The following DARS1 variants were observed in gnomAD, a reference collection of about 807,000 sequenced individuals.
DARS1 encodes aspartate--tRNA ligase, cytoplasmic.
Under a neutral mutation model 68.8 loss-of-function variants are expected in DARS1, and 51 were observed. That is an observed-to-expected ratio of 0.74 (90% CI 0.59 to 0.94). The LOEUF (loss-of-function observed/expected upper bound fraction) is 0.94. Among genes scored for constraint, DARS1 ranks in the 40% least tolerant of loss-of-function variants. The pLI, the probability that DARS1 is intolerant of heterozygous loss-of-function variation, is 0.00. For synonymous variants in DARS1, 203 were observed against 190.4 expected, an observed-to-expected ratio of 1.07 and a Z score of -0.55; for missense variants, 607 against 597.3, an observed-to-expected ratio of 1.02 and a Z score of -0.17.
At position 135,975,332 on chromosome 2, in the gene DARS1, G is replaced by A. The variant is rs917318490; in HGVS notation, c.217+3942C>T. On this transcript the variant is annotated intron_variant, in intron 3 of 15. Transcript: ENST00000264161. ...TGCACTCCAGCCTGGGCGACAGAGC[G>A]AGACTCTGTCTCAAAAAACAAACAA... Among the ~76,000 whole-genome samples the A allele has an allele frequency of 2.0e-5, 3 of 151,106 alleles. No individual in the cohort carries two copies. In the South Asian group the frequency reaches 6.3e-4, roughly 32 times the overall value.
intron 3 of DARS1, chr2:135,978,864 C>CA (rs1682557558): frequency 6.5e-6 from 1 of 154,700 alleles, no homozygotes; most frequent in South Asian, 2.0e-4. Context: ...ATCTTTTGTT[C>CA]ACTTCTCTCC....
chr2:135,968,451 T>A (rs1682288110), intron 3 of DARS1, among the ~76,000 whole-genome samples: 1 of 152,074 alleles, frequency 6.6e-6, no homozygotes, highest in Non-Finnish European at 1.5e-5. Flanking sequence ...GGACACAACT[T>A]GTAAGTGCCT....
intron 4 of DARS1, among the ~76,000 whole-genome samples, chr2:135,956,833 G>A (rs1376211484): frequency 1.3e-5 from 2 of 151,218 alleles, no homozygotes; most frequent in Non-Finnish European, 1.5e-5. Context: ...GTGTGATCTC[G>A]GCTCACTGCA....
At chr2:135,931,051 C>G (rs986229431) in intron 7 of DARS1, among the ~76,000 whole-genome samples, 8 of 152,120 alleles carry the variant, frequency 5.3e-5, no homozygotes, top group African/African-American at 1.9e-4. Flanking sequence ...CTGTAAAGTT[C>G]AGAGAGAAAA....
At chr2:135,970,389 C>G (rs990785845) in intron 3 of DARS1, among the ~76,000 whole-genome samples, 12 of 151,452 alleles carry the variant, frequency 7.9e-5, no homozygotes, top group Admixed American at 1.3e-4. Context: ...TCTGGGATGA[C>G]CAGTGGGTCA....
intron 10 of DARS1, among the ~76,000 whole-genome samples, chr2:135,918,943 A>G (rs1019096229): frequency 1.3e-5 from 2 of 152,250 alleles, no homozygotes; most frequent in Non-Finnish European, 2.9e-5. Context: ...TCTGCAATTA[A>G]CTAGCTATCA....
chr2:135,980,136 T>A (rs544664489), intron 2 of DARS1, among the ~76,000 whole-genome samples: 2 of 152,312 alleles, frequency 1.3e-5, no homozygotes, highest in South Asian at 4.1e-4. Flanking sequence ...CATTTCCCTA[T>A]CGAGCCTTTT....
At chr2:135,928,611 G>A (rs1681275743) in intron 7 of DARS1, among the ~76,000 whole-genome samples, 1 of 146,680 alleles carries the variant, frequency 6.8e-6, no homozygotes, top group Non-Finnish European at 1.5e-5. Context: ...GCCTCCCAAA[G>A]TGCTGGGATT....
At chr2:135,963,295 G>T (rs1682140257) in intron 3 of DARS1, among the ~76,000 whole-genome samples, 1 of 152,058 alleles carries the variant, frequency 6.6e-6, no homozygotes, top group South Asian at 2.1e-4. Flanking sequence ...AGAGTCATGA[G>T]GTTTTCTTTC....
chr2:135,912,116 CATT>C (rs752296547), intron 13 of DARS1, among the ~76,000 whole-genome samples: 2 of 152,126 alleles, frequency 1.3e-5, no homozygotes, highest in Non-Finnish European at 1.5e-5. Context: ...GACCGTAAGA[CATT>C]ATTTAGATTA....
At chr2:135,968,407 A>T (rs946519823) in intron 3 of DARS1, among the ~76,000 whole-genome samples, 11 of 152,100 alleles carry the variant, frequency 7.2e-5, no homozygotes, top group Non-Finnish European at 1.3e-4. Context: ...TTATTTTTTT[A>T]AAGTTCTGGA....
chr2:135,960,234 T>C (rs899383471), intron 4 of DARS1, among the ~76,000 whole-genome samples: 27 of 152,196 alleles, frequency 1.8e-4, no homozygotes, highest in African/African-American at 6.0e-4. Flanking sequence ...ACTGTATTAG[T>C]AGTATTAAAA....
At chr2:135,917,722 G>C (rs1407377436) in intron 10 of DARS1, among the ~76,000 whole-genome samples, 1 of 152,014 alleles carries the variant, frequency 6.6e-6, no homozygotes, top group Admixed American at 6.6e-5. Flanking sequence ...CAAGCAATCT[G>C]CCCGTCTCGG....
In DARS1 at chr2:135,949,089, A is replaced by T. The variant is rs1333234464; in HGVS notation, c.321-5609T>A. ...TGACTAATATAAAGAAAAATAAAAT[A>T]AAATATATATGTATACACATAATGG... On this transcript the variant is annotated intron_variant, in intron 4 of 15. Transcript: ENST00000264161. Among the ~76,000 whole-genome samples the T allele has an allele frequency of 2.0e-5, 3 of 152,222 alleles. No individual in the cohort carries two copies. The East Asian group carries it at 5.8e-4, about 29-fold the overall frequency.
At chr2:135,984,509 G>A (rs1402507422) in intron 1 of DARS1, among the ~76,000 whole-genome samples, 5 of 152,150 alleles carry the variant, frequency 3.3e-5, no homozygotes, top group African/African-American at 1.2e-4. Context: ...AGATAACCCT[G>A]GCCAGAGTAG....
intron 3 of DARS1, among the ~76,000 whole-genome samples, chr2:135,968,827 A>AT (rs961327552): frequency 6.6e-6 from 1 of 151,736 alleles, no homozygotes; most frequent in African/African-American, 2.4e-5. Flanking sequence ...ATGCCCGGCT[A>AT]TTTTTTGTAT....
At chr2:135,926,598 C>T (rs1474442830) in intron 7 of DARS1, among the ~76,000 whole-genome samples, 1 of 151,858 alleles carries the variant, frequency 6.6e-6, no homozygotes, top group South Asian at 2.1e-4. Flanking sequence ...AAGAATTAAA[C>T]AAAAAGGAAT....
Position 135,961,392 on chromosome 2 carries a change from T to C in DARS1, c.320+4A>G. 8.0e-7 allele frequency: 1 copy of C among 1,253,892 alleles called. No homozygotes were observed. Among genetic ancestry groups the C allele is most frequent in the Non-Finnish European group, 1.2e-6 (1 of 850,442 alleles). 77.7% of individuals were successfully genotyped at this position (1,253,892 alleles called of 1,614,324 possible). ...CTGACAACAGGATATAATTGCTTACTTACTTGGCAGCAAATTTAACCATCT... is the reference window on the plus strand; with the variant it reads ...CTGACAACAGGATATAATTGCTTACCTACTTGGCAGCAAATTTAACCATCT... On this transcript the variant is annotated splice_donor_region_variant and intron_variant, in intron 4 of 15. Coordinates refer to ENST00000264161, the MANE Select transcript of DARS1 (RefSeq NM_001349.4).
intron 3 of DARS1, among the ~76,000 whole-genome samples, chr2:135,969,711 C>G (rs1423168896): frequency 6.6e-6 from 1 of 151,892 alleles, no homozygotes; most frequent in Non-Finnish European, 1.5e-5. Flanking sequence ...TTGTCACTCA[C>G]TGCAATTACA....
Sources: allele counts gnomAD v4.1 joint callset (sites outside exome capture counted in the v4.1 genomes callset), GRCh38; gene constraint gnomAD v4.1.1; transcripts MANE v1.5; gene names NCBI Gene and HGNC (gene_info 2026-07-23, HGNC 2026-07-21).